CSNK2A1: variants seen among roughly 807,000 people sequenced by gnomAD.
The protein encoded by CSNK2A1 is casein kinase II subunit alpha.
In CSNK2A1, 10 loss-of-function variants were observed where a neutral mutation model predicts 62.9. The observed-to-expected ratio is 0.16, with a 90% CI of 0.10 to 0.27. The LOEUF (loss-of-function observed/expected upper bound fraction) is 0.27. Ranked by LOEUF, CSNK2A1 falls within the 10% of genes least tolerant of loss-of-function variation. The pLI, the probability that CSNK2A1 is intolerant of heterozygous loss-of-function variation, is 1.00. For missense variants in CSNK2A1, 160 were observed against 492.0 expected (o/e 0.33, Z 6.38); for synonymous variants, 124 against 167.8 (o/e 0.74, Z 2.02).
In CSNK2A1 at chr20:483,890, G is replaced by C; in HGVS notation, c.*71C>G. 6.8e-7 allele frequency: 1 copy of C among 1,473,646 alleles called. No homozygotes were observed. 91.3% of individuals were successfully genotyped at this position (1,473,646 alleles called of 1,614,324 possible). On this transcript the variant is annotated 3_prime_UTR_variant, in exon 14 of 14. Coordinates refer to ENST00000217244, the MANE Select transcript of CSNK2A1 (RefSeq NM_177559.3). ...TGAAGTGTTTCACCCCTCCCCGCCA[G>C]GCGCAAGCTGCATCAAGGAGAGGGT...
chr20:535,861 C>A (rs374444353), intron 1 of CSNK2A1, among the ~76,000 whole-genome samples: 9 of 151,958 alleles, frequency 5.9e-5, no homozygotes, highest in African/African-American at 2.2e-4. Context: ...CCTGAGAGAG[C>A]AAGACATAGA....
intron 4 of CSNK2A1, chr20:500,205 T>C (rs888099764): frequency 4.8e-5 from 18 of 378,690 alleles, no homozygotes; most frequent in African/African-American, 3.6e-4. Context: ...TCAGTCTTGA[T>C]GTTAATGTTT....
intron 4 of CSNK2A1, chr20:501,473 T>C (rs1175115191): frequency 2.6e-5 from 4 of 152,180 alleles, no homozygotes; most frequent in African/African-American, 9.6e-5. Context: ...ATCAAGAAAA[T>C]TTTAAAAAGG....
rs1299550104 is a variant in CSNK2A1 at position 474,934 on chromosome 20, T to C, written c.*9027A>G. ...TGTCTTACTCTGCTCAGTTTTCATT[T>C]TGTAAACTTTTAAACATTTGAACTC... On this transcript the variant is annotated 3_prime_UTR_variant, in exon 14 of 14. Transcript: ENST00000217244. The C allele has an allele frequency of 6.6e-6, 1 of 152,238 alleles. No homozygotes were observed. Among genetic ancestry groups the C allele is most frequent in the African/African-American group, 2.4e-5 (1 of 41,462 alleles). 9.4% of individuals were successfully genotyped at this position (152,238 alleles called of 1,614,324 possible).
chr20:542,731 CTCT>C (rs1307856005), intron 1 of CSNK2A1, among the ~76,000 whole-genome samples: 1 of 152,220 alleles, frequency 6.6e-6, no homozygotes, highest in Non-Finnish European at 1.5e-5. Context: ...CGCCCGGCCT[CTCT>C]TCTTAGTTTT....
chr20:492,921 A>G (rs1019285504), intron 8 of CSNK2A1, among the ~76,000 whole-genome samples: 1 of 152,182 alleles, frequency 6.6e-6, no homozygotes, highest in East Asian at 1.9e-4. Flanking sequence ...AAAGTCATAC[A>G]ATACAGCTTT....
rs2018420316 is a variant in CSNK2A1 at position 499,774 on chromosome 20, G to A, written c.315+59C>T. 1.3e-6 allele frequency: 2 copies of A among 1,525,936 alleles called. No homozygotes were observed. The highest frequency in any genetic ancestry group is 1.7e-5 in the Admixed American group (1 of 59,064). 94.5% of individuals were successfully genotyped at this position (1,525,936 alleles called of 1,614,324 possible). Reference sequence around the variant, plus strand: ...GAGGGAACAAAAAGAGGCCAGTTGTGCTCCAGGTCAAACACCATCTCAGCT... The same window carrying A: ...GAGGGAACAAAAAGAGGCCAGTTGTACTCCAGGTCAAACACCATCTCAGCT... On this transcript the variant is annotated intron_variant, in intron 5 of 13. Coordinates refer to ENST00000217244, the MANE Select transcript of CSNK2A1 (RefSeq NM_177559.3). The surrounding 1 kb of genome is among the most constrained non-coding windows in gnomAD (Gnocchi z 4.2).
At chr20:503,085 A>G (rs2018503924) in intron 4 of CSNK2A1, 1 of 162,922 alleles carries the variant, frequency 6.1e-6, no homozygotes, top group African/African-American at 2.4e-5. Flanking sequence ...GAATATCACC[A>G]TACAATCACA....
intron 2 of CSNK2A1, among the ~76,000 whole-genome samples, chr20:511,953 C>T (rs144742138): frequency 4.6e-5 from 7 of 152,274 alleles, no homozygotes; most frequent in Admixed American, 1.3e-4. Context: ...AAGCTGGGCA[C>T]GGTGGCTCAC....
chr20:495,892 T>C, intron 7 of CSNK2A1, 90 bp from the exon 8 acceptor site: 2 of 1,029,058 alleles, frequency 1.9e-6, no homozygotes, highest in Non-Finnish European at 3.0e-6. Context: ...CCTTTTAGCC[T>C]CACAATACCC....
chr20:499,244 A>T lies in CSNK2A1; in HGVS notation c.366+11T>A, dbSNP rs370918655. On this transcript the variant is annotated intron_variant, in intron 6 of 13. Coordinates refer to ENST00000217244, the MANE Select transcript of CSNK2A1 (RefSeq NM_177559.3). This position sits in a 1 kb window ranked among gnomAD's most constrained non-coding sequence, Gnocchi z 4.2. ...ACCCACTAGCCCGAAACAGTTGGTT[A>T]TATATTATACCTTGAAGTCTGTGTT... 4 of 1,596,074 alleles carry T rather than the reference A, an allele frequency of 2.5e-6. No individual in the cohort carries two copies. The highest frequency in any genetic ancestry group is 3.4e-6 in the Non-Finnish European group (4 of 1,171,150).
At chr20:486,980 A>T (rs1317722323) in intron 12 of CSNK2A1, 1 of 183,990 alleles carries the variant, frequency 5.4e-6, no homozygotes, top group Non-Finnish European at 1.1e-5. Context: ...TGCAGCTAAC[A>T]TCACAGTGCA....
chr20:495,408 G>C, intron 8 of CSNK2A1: 1 of 317,600 alleles, frequency 3.1e-6, no homozygotes, highest in Non-Finnish European at 6.1e-6. Flanking sequence ...GTAAGAAAAA[G>C]AAGGCAAATG....
chr20:533,609 AATAC>A (rs984760666), intron 1 of CSNK2A1, among the ~76,000 whole-genome samples: 11 of 152,160 alleles, frequency 7.2e-5, no homozygotes, highest in African/African-American at 2.7e-4. Flanking sequence ...TCTCAAAATA[AATAC>A]ATACATACAT....
chr20:523,659 AAGC>A (rs1481410349), intron 2 of CSNK2A1, among the ~76,000 whole-genome samples: 3 of 152,214 alleles, frequency 2.0e-5, no homozygotes, highest in African/African-American at 4.8e-5. Context: ...TGGGAGGCCG[AAGC>A]GGATGGATCA....
intron 2 of CSNK2A1, among the ~76,000 whole-genome samples, chr20:523,797 T>C (rs916569812): frequency 2.9e-5 from 4 of 140,230 alleles, no homozygotes; most frequent in Non-Finnish European, 6.0e-5. Flanking sequence ...AGGCTGAGCT[T>C]GCAGTGAGCT....
Position 478,019 on chromosome 20 carries a change from T to C in CSNK2A1, c.*5942A>G, listed in dbSNP as rs76421383. ...ATAGGCATTTGCATTTTTCCTAGGA[T>C]TTTTTTTTTAAAACAGTTGGAATTA... On this transcript the variant is annotated 3_prime_UTR_variant, in exon 14 of 14. Transcript: ENST00000217244. 9.1e-6 allele frequency: 1 copy of C among 110,214 alleles called. No individual in the cohort carries two copies. Among genetic ancestry groups the C allele is most frequent in the Non-Finnish European group, 1.8e-5 (1 of 56,748 alleles). The allele number at this position is 110,214 out of a possible 1,614,324, so 6.8% of individuals were successfully genotyped here.
intron 4 of CSNK2A1, chr20:500,697 G>T (rs1486139666): frequency 2.7e-5 from 4 of 145,480 alleles, no homozygotes; most frequent in Admixed American, 7.0e-5. Context: ...GGAGTGCAGT[G>T]GTGCAATCTT....
At position 526,985 on chromosome 20, in the gene CSNK2A1, A is replaced by AAGAG. The variant is rs1207393871; in HGVS notation, c.-110+944_-110+947dup. Reference sequence around the variant, plus strand: ...AGAAAGAATGAGAGAGAGAGAGAGAAAGAGAGAGAGACAGACAGAGAGAGA... The same window carrying AAGAG: ...AGAAAGAATGAGAGAGAGAGAGAGAAAGAGAGAGAGAGAGACAGACAGAGAGAGA... On this transcript the variant is annotated intron_variant, in intron 2 of 13. Coordinates refer to ENST00000217244, the MANE Select transcript of CSNK2A1 (RefSeq NM_177559.3). 91 of 90,072 alleles carry AAGAG rather than the reference A, an allele frequency of 1.0e-3. 1 individual carries two copies. Among genetic ancestry groups the AAGAG allele is most frequent in the Middle Eastern group, 5.4e-3 (1 of 184 alleles). The allele number at this position is 90,072 out of a possible 1,614,324, so 5.6% of individuals were successfully genotyped here. A position where few individuals can be genotyped will look rare whatever the true frequency, so the allele number is the denominator to read the frequency against.
Sources: allele counts gnomAD v4.1 joint callset (sites outside exome capture counted in the v4.1 genomes callset), GRCh38; gene constraint gnomAD v4.1.1; non-coding constraint Gnocchi (gnomAD v3.1); transcripts MANE v1.5; gene names NCBI Gene and HGNC (gene_info 2026-07-23, HGNC 2026-07-21).